FETUB: variants seen among roughly 807,000 people sequenced by gnomAD.
FETUB encodes fetuin B.
In FETUB, 28 loss-of-function variants were observed where a neutral mutation model predicts 30.9. The ratio of observed to expected loss-of-function variants is 0.90; its 90% CI spans 0.67 to 1.24. The LOEUF (loss-of-function observed/expected upper bound fraction) is 1.24, where lower values mean the gene tolerates loss of function less well. Ranked by LOEUF, FETUB falls within the 50% of genes most tolerant of loss-of-function variation. The pLI is 0.00. For synonymous variants in FETUB, 186 were observed against 175.9 expected (o/e 1.06, Z -0.45); for missense variants, 469 against 455.3 (o/e 1.03, Z -0.27).
chr3:186,645,757 T>G (rs1198860573), intron 4 of FETUB, among the ~76,000 whole-genome samples: 1 of 123,898 alleles, frequency 8.1e-6, no homozygotes, highest in Non-Finnish European at 1.6e-5. Context: ...AGACGGAGTC[T>G]CACTCTATCG....
At chr3:186,650,774 A>C (rs1717959886) in intron 5 of FETUB, among the ~76,000 whole-genome samples, 1 of 152,220 alleles carries the variant, frequency 6.6e-6, no homozygotes, top group Admixed American at 6.5e-5. Flanking sequence ...ATAAGGAAAC[A>C]AAGCTACTTT....
intron 6 of FETUB, 147 bp from the exon 7 acceptor site, chr3:186,652,116 T>G (rs1718093743): frequency 3.5e-6 from 3 of 852,244 alleles, no homozygotes; most frequent in Non-Finnish European, 5.2e-6. Flanking sequence ...TGTTTTGTTT[T>G]TTAACCCTTT....
intron 5 of FETUB, among the ~76,000 whole-genome samples, chr3:186,649,332 C>A (rs953055874): frequency 6.6e-6 from 1 of 152,096 alleles, no homozygotes. Flanking sequence ...TGTTTAGACA[C>A]TTTTTTTCTT....
chr3:186,650,553 G>A (rs1717941098), intron 5 of FETUB, among the ~76,000 whole-genome samples: 2 of 151,590 alleles, frequency 1.3e-5, no homozygotes. Flanking sequence ...GCCATAAGAG[G>A]GTTTTTACAA....
chr3:186,639,229 T>C (rs1239395763), upstream of FETUB, among the ~76,000 whole-genome samples: 3 of 152,110 alleles, frequency 2.0e-5, no homozygotes, highest in Non-Finnish European at 1.5e-5. Context: ...ACCAAACACA[T>C]CCTTTTATCA....
In FETUB at chr3:186,642,560, TA is replaced by T; in HGVS notation, c.424+4del. On this transcript the variant is annotated splice_donor_region_variant and intron_variant, in intron 3 of 6. Coordinates refer to ENST00000265029, the MANE Select transcript of FETUB (RefSeq NM_014375.3). Reference sequence around the variant, plus strand: ...CTTATAACTGTACTCTTCGCCCAGGTAAGAAATCACTACGATTTTGTTAGTT... The same window carrying T: ...CTTATAACTGTACTCTTCGCCCAGGTAGAAATCACTACGATTTTGTTAGTT... The T allele has an allele frequency of 6.4e-7, 1 of 1,563,332 alleles. No individual in the cohort carries two copies. The highest frequency in any genetic ancestry group is 8.8e-7 in the Non-Finnish European group (1 of 1,136,002).
intron 5 of FETUB, among the ~76,000 whole-genome samples, chr3:186,649,475 T>C (rs1717815697): frequency 6.6e-6 from 1 of 152,138 alleles, no homozygotes; most frequent in East Asian, 1.9e-4. Flanking sequence ...TTTTTGTTTT[T>C]TTTTCTCTTT....
upstream of FETUB, among the ~76,000 whole-genome samples, chr3:186,638,516 C>A (rs953019061): frequency 1.3e-5 from 2 of 152,160 alleles, no homozygotes; most frequent in African/African-American, 4.8e-5. Context: ...TGCCTGACAC[C>A]AAAGGCTGGA....
Position 186,644,770 on chromosome 3 carries a change from C to T in FETUB, c.444C>T (p.Tyr148=). ...CAACAGTTTCAAAAAAAAAGATTTA[C>T]ATGACGTGCCCTGACTGCCCAAGCT... ...TLRPVSKKKI[Y]MTCPDCPSSI... The change falls in exon 4 of 7, where the codon TAC becomes TAT. Residue 148 remains tyrosine (Y), a synonymous_variant. Transcript: ENST00000265029. 6.3e-7 allele frequency: 1 copy of T among 1,591,584 alleles called. No homozygotes were observed. Among genetic ancestry groups the T allele is most frequent in the Non-Finnish European group, 8.5e-7 (1 of 1,174,186 alleles).
chr3:186,637,556 G>T (rs559606610), upstream of FETUB, among the ~76,000 whole-genome samples: 1 of 152,304 alleles, frequency 6.6e-6, no homozygotes, highest in Admixed American at 6.5e-5. Context: ...TCACACCTGT[G>T]TCAGGAGGTG....
upstream of FETUB, among the ~76,000 whole-genome samples, chr3:186,637,430 T>C (rs1716807399): frequency 6.6e-6 from 1 of 152,218 alleles, no homozygotes; most frequent in Non-Finnish European, 1.5e-5. Context: ...AGATTTCTAA[T>C]TCCCCAGATG....
At chr3:186,640,775 G>A in intron 1 of FETUB, 90 bp downstream of exon 1, 1 of 1,079,590 alleles carries the variant, frequency 9.3e-7, no homozygotes, top group Non-Finnish European at 1.4e-6. Flanking sequence ...CACCCTGGCA[G>A]GTGTTTTCTG....
In FETUB at chr3:186,641,013, T is replaced by C. The variant is rs187506916; in HGVS notation, c.226-17T>C. On this transcript the variant is annotated splice_polypyrimidine_tract_variant and intron_variant, in intron 1 of 6. Transcript: ENST00000265029. ...CTTCCTGTGAAATGTATTGCATTTCTCTACCCCTTCCCACAGGGTGGCCTG... is the reference window on the plus strand; with the variant it reads ...CTTCCTGTGAAATGTATTGCATTTCCCTACCCCTTCCCACAGGGTGGCCTG... 2.4e-4 allele frequency: 372 copies of C among 1,530,174 alleles called. 5 individuals carry two copies. In the South Asian group the frequency reaches 3.7e-3, roughly 15 times the overall value. 94.8% of individuals were successfully genotyped at this position (1,530,174 alleles called of 1,614,324 possible).
intron 5 of FETUB, 34 bp downstream of exon 5, chr3:186,646,383 GT>G: frequency 2.1e-6 from 3 of 1,441,166 alleles, no homozygotes; most frequent in Non-Finnish European, 2.9e-6. Context: ...TAATTTGAGT[GT>G]TCACAGATCA....
chr3:186,637,015 G>A (rs143771290), upstream of FETUB, among the ~76,000 whole-genome samples: 847 of 152,268 alleles, frequency 5.6e-3, 2 homozygotes, highest in African/African-American at 0.019. Context: ...TAGGTTGGAT[G>A]CAAACCCTGG....
At chr3:186,647,561 AT>A (rs1345401907) in intron 5 of FETUB, among the ~76,000 whole-genome samples, 3 of 152,118 alleles carry the variant, frequency 2.0e-5, no homozygotes, top group Admixed American at 6.5e-5. Flanking sequence ...CCTCATCATG[AT>A]TTTTATTTGC....
intron 4 of FETUB, among the ~76,000 whole-genome samples, chr3:186,645,479 C>CACCA (rs755714630): frequency 1.1e-4 from 16 of 152,138 alleles, no homozygotes; most frequent in Non-Finnish European, 2.4e-4. Context: ...AGGTGCATAC[C>CACCA]ACCACACCTG....
upstream of FETUB, among the ~76,000 whole-genome samples, chr3:186,638,077 A>C (rs1175699084): frequency 6.6e-6 from 1 of 152,242 alleles, no homozygotes; most frequent in Non-Finnish European, 1.5e-5. Flanking sequence ...TTGGATTGAC[A>C]GGTTAAGCAA....
Position 186,640,431 on chromosome 3 carries a change from T to G in FETUB, c.-30T>G. 1 of 1,570,220 alleles carries G rather than the reference T, an allele frequency of 6.4e-7. No homozygotes were observed. The highest frequency in any genetic ancestry group is 1.1e-5 in the South Asian group (1 of 90,220). On this transcript the variant is annotated 5_prime_UTR_variant, in exon 1 of 7. Coordinates refer to ENST00000265029, the MANE Select transcript of FETUB (RefSeq NM_014375.3). ...AGCCAGTCCCTGCAGCTCCACAAAC[T>G]GACCCATCCTGGGCCTTGTTCTCCA... is the stretch of plus-strand genomic sequence containing the variant.
Sources: allele counts gnomAD v4.1 joint callset (sites outside exome capture counted in the v4.1 genomes callset), GRCh38; gene constraint gnomAD v4.1.1; transcripts MANE v1.5; gene names NCBI Gene and HGNC (gene_info 2026-07-23, HGNC 2026-07-21).